The following RIMBP2 variants were observed in gnomAD, a reference collection of about 807,000 sequenced individuals.
The protein encoded by RIMBP2 is RIMS-binding protein 2.
RIMBP2 carries 48 observed loss-of-function variants against 118.6 expected under a neutral mutation model. The observed-to-expected ratio is 0.40, with a 90% CI of 0.32 to 0.51. The LOEUF (loss-of-function observed/expected upper bound fraction) is 0.51, where lower values mean the gene tolerates loss of function less well. Among genes scored for constraint, RIMBP2 ranks in the 20% least tolerant of loss-of-function variants. The pLI, the probability that RIMBP2 is intolerant of heterozygous loss-of-function variation, is 0.41. For missense variants in RIMBP2, 1,551 were observed against 1,768.3 expected, an observed-to-expected ratio of 0.88 and a Z score of 2.20; for synonymous variants, 762 against 742.9, an observed-to-expected ratio of 1.03 and a Z score of -0.42.
chr12:130,585,790 C>T (rs1278286779), intron 2 of RIMBP2, among the ~76,000 whole-genome samples: 2 of 152,170 alleles, frequency 1.3e-5, no homozygotes, highest in Non-Finnish European at 2.9e-5. Context: ...TCACAGTCCC[C>T]ACCACTCCCC....
intron 2 of RIMBP2, among the ~76,000 whole-genome samples, chr12:130,546,724 A>C (rs2055213385): frequency 6.6e-6 from 1 of 152,214 alleles, no homozygotes; most frequent in Non-Finnish European, 1.5e-5. Context: ...CTGGCAGCCC[A>C]CCAGGCTGCG....
intron 1 of RIMBP2, among the ~76,000 whole-genome samples, chr12:130,695,387 C>T (rs960381525): frequency 2.0e-5 from 3 of 152,186 alleles, no homozygotes; most frequent in South Asian, 2.1e-4. Context: ...CTCAGAGCTA[C>T]GTTGACAGGA....
chr12:130,580,949 T>TGTGTGTGTGTG (rs1555298087), intron 2 of RIMBP2, among the ~76,000 whole-genome samples: 2 of 108,582 alleles, frequency 1.8e-5, no homozygotes, highest in Admixed American at 9.4e-5. Flanking sequence ...GTGTGTGTGT[T>TGTGTGTGTGTG]TGTTTGTGTG....
intron 1 of RIMBP2, among the ~76,000 whole-genome samples, chr12:130,702,041 A>C (rs1029640192): frequency 6.6e-6 from 1 of 152,150 alleles, no homozygotes; most frequent in African/African-American, 2.4e-5. Context: ...AATTTCAGTC[A>C]ATAATCCAGT....
At chr12:130,580,588 T>C (rs1490180828) in intron 2 of RIMBP2, among the ~76,000 whole-genome samples, 1 of 152,254 alleles carries the variant, frequency 6.6e-6, no homozygotes, top group Non-Finnish European at 1.5e-5. Flanking sequence ...ACATCGGCTT[T>C]ATTTGAAAAT....
In RIMBP2 at chr12:130,446,559, C is replaced by G. The variant is rs911769174; in HGVS notation, c.582-1290G>C. ...AACCCAATCCAAGACCCTGACAGCA[C>G]CCAGCAGGTCAGCCTAGAGGGCTGT... On this transcript the variant is annotated intron_variant, in intron 9 of 22. Transcript: ENST00000690449. The surrounding 1 kb of genome is among the most constrained non-coding windows in gnomAD (Gnocchi z 4.1). Among the ~76,000 whole-genome samples, 2 of 135,994 alleles carry G rather than the reference C, an allele frequency of 1.5e-5. No homozygotes were observed. The highest frequency in any genetic ancestry group is 7.6e-5 in the African/African-American group (2 of 26,170). 89.2% of individuals were successfully genotyped at this position (135,994 alleles called of 152,430 possible). A position where few individuals can be genotyped will look rare whatever the true frequency, so the allele number is the denominator to read the frequency against.
intron 2 of RIMBP2, among the ~76,000 whole-genome samples, chr12:130,627,807 A>G (rs927406906): frequency 6.6e-6 from 1 of 152,086 alleles, no homozygotes. Flanking sequence ...GTCCACTACC[A>G]TCCTGGTGCA....
At position 130,479,003 on chromosome 12, in the gene RIMBP2, G is replaced by A. The variant is rs774978438; in HGVS notation, c.11C>T (p.Ala4Val). ...CTGCAGCTGCTGCCGCCGTTCAGCC[G>A]CCTCTCGCATATGCTGTGGGGACAG... MRE[A>V]AERRQQLQLE... Residue 4 changes from alanine to valine, a missense_variant, in exon 5 of 23, where the codon GCG (alanine) becomes GTG (valine). By Grantham distance (64) the Ala-to-Val change is moderately conservative (BLOSUM62 0). This residue lies in a region of RIMBP2 where 239 missense variants were observed against 256.8 expected (regional missense o/e 0.93). Coordinates refer to ENST00000690449, the MANE Select transcript of RIMBP2 (RefSeq NM_001393629.1). 18 of 1,613,472 alleles carry A rather than the reference G, an allele frequency of 1.1e-5. No homozygotes were observed. Among genetic ancestry groups the A allele is most frequent in the Middle Eastern group, 1.7e-4 (1 of 5,984 alleles).
intron 2 of RIMBP2, among the ~76,000 whole-genome samples, chr12:130,594,350 C>T (rs571293601): frequency 6.6e-6 from 1 of 152,258 alleles, no homozygotes; most frequent in East Asian, 1.9e-4. Context: ...TGGATTATGA[C>T]CAGTATTTTG....
chr12:130,710,839 C>T lies in RIMBP2; in HGVS notation c.-352+5383G>A, dbSNP rs549327785. Among the ~76,000 whole-genome samples, 1 of 152,364 alleles carries T rather than the reference C, an allele frequency of 6.6e-6. No individual in the cohort carries two copies. Among genetic ancestry groups the T allele is most frequent in the South Asian group, 2.1e-4 (1 of 4,832 alleles). On this transcript the variant is annotated intron_variant, in intron 1 of 22. Coordinates refer to ENST00000690449, the MANE Select transcript of RIMBP2 (RefSeq NM_001393629.1). This position sits in a 1 kb window ranked among gnomAD's most constrained non-coding sequence, Gnocchi z 4.3. ...TTCAGGCCTCTCCCTGCTCTACCTG[C>T]TCCTCCACAAGCCCCACTGCTCCCA...
rs1329585976 is a variant in RIMBP2 at position 130,578,783 on chromosome 12, T to TC, written c.-217+49538dup. ...CTCCACTATCTGAAGTCGCAGGTCCTCATCTGGAGCCCTAGGGCTGAACAT... is the reference window on the plus strand; with the variant it reads ...CTCCACTATCTGAAGTCGCAGGTCCTCCATCTGGAGCCCTAGGGCTGAACAT... On this transcript the variant is annotated intron_variant, in intron 2 of 22. Coordinates refer to ENST00000690449, the MANE Select transcript of RIMBP2 (RefSeq NM_001393629.1). This position sits in a 1 kb window ranked among gnomAD's most constrained non-coding sequence, Gnocchi z 4.1. 3.9e-5 allele frequency among the ~76,000 whole-genome samples: 6 copies of TC among 152,220 alleles called. No homozygotes were observed. The highest frequency in any genetic ancestry group is 8.8e-5 in the Non-Finnish European group (6 of 68,040).
chr12:130,583,364 TATC>T (rs1482718743), intron 2 of RIMBP2, among the ~76,000 whole-genome samples: 3 of 151,916 alleles, frequency 2.0e-5, no homozygotes, highest in African/African-American at 4.8e-5. Context: ...AGGTGCTAGT[TATC>T]ATCATCACCA....
In RIMBP2 at chr12:130,522,610, C is replaced by T. The variant is rs192344835; in HGVS notation, c.-216-4693G>A. Among the ~76,000 whole-genome samples, 716 of 152,294 alleles carry T rather than the reference C, an allele frequency of 4.7e-3. 3 individuals carry two copies. The highest frequency in any genetic ancestry group is 0.017 in the Middle Eastern group (5 of 294). ...GGCGGAATTCGACTTCAAGGCGGGG[C>T]GCTGCGTAAAAGCAGCTGGACTTGT... On this transcript the variant is annotated intron_variant, in intron 2 of 22. Transcript: ENST00000690449.
At position 130,422,081 on chromosome 12, in the gene RIMBP2, G is replaced by A. The variant is rs548149099; in HGVS notation, c.3238+372C>T. ...AGCATTCCCTCGGGTGGGGCTCACA[G>A]ACCCCTGAGGCACGCTGACATCCAG... On this transcript the variant is annotated intron_variant, in intron 17 of 22. Coordinates refer to ENST00000690449, the MANE Select transcript of RIMBP2 (RefSeq NM_001393629.1). The surrounding 1 kb of genome is among the most constrained non-coding windows in gnomAD (Gnocchi z 5.2). Among the ~76,000 whole-genome samples the A allele has an allele frequency of 3.3e-5, 5 of 152,278 alleles. No homozygotes were observed. The South Asian group carries it at 8.3e-4, about 25-fold the overall frequency.
chr12:130,463,178 A>G (rs1051030622), intron 6 of RIMBP2, among the ~76,000 whole-genome samples: 1 of 152,190 alleles, frequency 6.6e-6, no homozygotes, highest in African/African-American at 2.4e-5. Context: ...AGGCAGGCGC[A>G]TTTACACCTC....
chr12:130,437,289 C>T lies in RIMBP2; in HGVS notation c.1659G>A (p.Val553=). The change falls in exon 13 of 23, where the codon GTG becomes GTA. Residue 553 remains valine (V), a splice_region_variant and synonymous_variant. Transcript: ENST00000690449. ...GYGVYAKGQR[V]AEVIFPTADS... is the part of the protein sequence containing the mutation. ...CTGCCGTGGGGAAGATGACTTCAGC[C>T]ACCTGTGGACAAGCAGAGCTGGCTC... 3.2e-6 allele frequency: 5 copies of T among 1,574,042 alleles called. No individual in the cohort carries two copies. The highest frequency in any genetic ancestry group is 4.3e-6 in the Non-Finnish European group (5 of 1,167,770).
At chr12:130,664,472 C>CACACGT (rs1212743348) in intron 1 of RIMBP2, among the ~76,000 whole-genome samples, 1 of 151,304 alleles carries the variant, frequency 6.6e-6, no homozygotes, top group East Asian at 1.9e-4. Context: ...CACACACACG[C>CACACGT]ACGCACACGC....
chr12:130,655,443 G>A (rs890424817), intron 1 of RIMBP2, among the ~76,000 whole-genome samples: 2 of 152,158 alleles, frequency 1.3e-5, no homozygotes, highest in African/African-American at 4.8e-5. Flanking sequence ...TGAGAGGGAG[G>A]AAAAGACCAA....
chr12:130,467,962 G>A (rs1277817433), intron 6 of RIMBP2, among the ~76,000 whole-genome samples: 1 of 152,182 alleles, frequency 6.6e-6, no homozygotes, highest in East Asian at 1.9e-4. Context: ...GTGTTCTGGG[G>A]TGTATCCTAT....
Sources: gnomAD v4.1 joint callset for allele counts (sites outside exome capture counted in the v4.1 genomes callset) on GRCh38, gnomAD v4.1.1 for gene constraint, gnomAD v4.1.1 regional missense constraint, Gnocchi (gnomAD v3.1) non-coding constraint, MANE v1.5 for transcripts, NCBI Gene and HGNC (gene_info 2026-07-23, HGNC 2026-07-21) for gene names.